Variants in CNGB3 observed in about 807,000 individuals in gnomAD.
CNGB3 encodes the protein cyclic nucleotide gated channel subunit beta 3.
Under a neutral mutation model 92.8 loss-of-function variants are expected in CNGB3, and 86 were observed. The observed-to-expected ratio is 0.93, with a 90% CI of 0.78 to 1.11. The LOEUF (loss-of-function observed/expected upper bound fraction) is 1.11, where lower values mean the gene tolerates loss of function less well. Among genes scored for constraint, CNGB3 ranks in the 50% least tolerant of loss-of-function variants. The pLI, the probability that CNGB3 is intolerant of heterozygous loss-of-function variation, is 0.00. For synonymous variants in CNGB3, 333 were observed against 332.7 expected (o/e 1.00, Z -0.01); for missense variants, 1,026 against 956.8 (o/e 1.07, Z -0.95).
intron 6 of CNGB3, chr8:86,658,737 T>C: frequency 2.1e-6 from 1 of 484,788 alleles, no homozygotes; most frequent in Admixed American, 2.8e-5. Context: ...GCTGGTGATC[T>C]CCATGTTCTC....
rs182472116 is a variant in CNGB3 at position 86,590,494 on chromosome 8, T to C, written c.1782-11242A>G. ...GGCTGGTACCAGTTCTTCCTTTCCATGTTTAGCGCTTCCTTCAGGAGCTCT... is the reference window on the plus strand; with the variant it reads ...GGCTGGTACCAGTTCTTCCTTTCCACGTTTAGCGCTTCCTTCAGGAGCTCT... On this transcript the variant is annotated intron_variant, in intron 15 of 17. Transcript: ENST00000320005. Among the ~76,000 whole-genome samples the C allele has an allele frequency of 2.2e-3, 335 of 152,274 alleles. 16 individuals are homozygous for C. In the East Asian group the frequency reaches 0.059, roughly 27 times the overall value.
chr8:86,726,118 A>C (rs901173032), intron 3 of CNGB3, among the ~76,000 whole-genome samples: 5 of 152,220 alleles, frequency 3.3e-5, no homozygotes, highest in Non-Finnish European at 5.9e-5. Context: ...ATAAAAGGAA[A>C]TAATAATTAA....
chr8:86,592,019 C>T (rs2131547450), intron 15 of CNGB3, among the ~76,000 whole-genome samples: 1 of 152,370 alleles, frequency 6.6e-6, no homozygotes, highest in African/African-American at 2.4e-5. Context: ...CCCTCTGAGC[C>T]AGGTGCAGGA....
chr8:86,675,406 C>T (rs1823947276), intron 3 of CNGB3, among the ~76,000 whole-genome samples: 1 of 151,776 alleles, frequency 6.6e-6, no homozygotes, highest in South Asian at 2.1e-4. Flanking sequence ...TAGGAGGAAA[C>T]TCATATTGGA....
At chr8:86,598,048 G>A (rs1822211672) in intron 15 of CNGB3, among the ~76,000 whole-genome samples, 1 of 152,116 alleles carries the variant, frequency 6.6e-6, no homozygotes, top group Non-Finnish European at 1.5e-5. Flanking sequence ...GGCGAGTCAG[G>A]TGCAACCTGA....
At chr8:86,699,001 A>G (rs76000869) in intron 3 of CNGB3, among the ~76,000 whole-genome samples, 1 of 152,162 alleles carries the variant, frequency 6.6e-6, no homozygotes, top group African/African-American at 2.4e-5. Context: ...ATTTGGGAGT[A>G]TATGGTATGT....
At chr8:86,631,439 C>T (rs923976970) in intron 11 of CNGB3, among the ~76,000 whole-genome samples, 3 of 152,136 alleles carry the variant, frequency 2.0e-5, no homozygotes, top group South Asian at 4.1e-4. Context: ...TTCTTCCATA[C>T]GACCCTATGA....
At chr8:86,671,154 G>T in intron 3 of CNGB3, 56 bp from the exon 4 acceptor site, 1 of 1,585,108 alleles carries the variant, frequency 6.3e-7, no homozygotes, top group Non-Finnish European at 8.6e-7. Flanking sequence ...TAGATATAAG[G>T]GAAAGATTAA....
At chr8:86,662,502 A>G (rs988347992) in intron 6 of CNGB3, among the ~76,000 whole-genome samples, 2 of 152,184 alleles carry the variant, frequency 1.3e-5, no homozygotes, top group Non-Finnish European at 2.9e-5. Flanking sequence ...TTGACAATCA[A>G]TTGTGTATTT....
At chr8:86,638,105 G>A (rs1299543450) in intron 10 of CNGB3, among the ~76,000 whole-genome samples, 1 of 152,010 alleles carries the variant, frequency 6.6e-6, no homozygotes, top group Non-Finnish European at 1.5e-5. Context: ...ACCACAGTTT[G>A]TTTATTTATT....
At chr8:86,692,618 C>G (rs1824342835) in intron 3 of CNGB3, among the ~76,000 whole-genome samples, 1 of 151,910 alleles carries the variant, frequency 6.6e-6, no homozygotes, top group Non-Finnish European at 1.5e-5. Context: ...TATGTGAGTC[C>G]TTTGTGTTAG....
chr8:86,582,746 A>G (rs1338281372), intron 15 of CNGB3, among the ~76,000 whole-genome samples: 1 of 152,194 alleles, frequency 6.6e-6, no homozygotes, highest in African/African-American at 2.4e-5. Context: ...CTTCAAAAGT[A>G]AAGAAGAAAC....
intron 3 of CNGB3, among the ~76,000 whole-genome samples, chr8:86,713,770 T>C (rs1036651454): frequency 3.9e-5 from 6 of 152,208 alleles, no homozygotes; most frequent in Non-Finnish European, 8.8e-5. Context: ...ACTTAAGAAA[T>C]TCTAAAATTA....
intron 3 of CNGB3, among the ~76,000 whole-genome samples, chr8:86,700,732 G>A (rs1045615253): frequency 1.3e-5 from 2 of 152,128 alleles, no homozygotes; most frequent in East Asian, 1.9e-4. Flanking sequence ...TCCATCTCCC[G>A]GGTTCAAGCA....
At chr8:86,732,699 G>C (rs1046578090) in intron 2 of CNGB3, among the ~76,000 whole-genome samples, 1 of 152,086 alleles carries the variant, frequency 6.6e-6, no homozygotes, top group African/African-American at 2.4e-5. Context: ...TCTCAAACTA[G>C]AAAGCATGTA....
chr8:86,598,445 A>C (rs1020668385), intron 15 of CNGB3, among the ~76,000 whole-genome samples: 4 of 152,186 alleles, frequency 2.6e-5, no homozygotes, highest in Non-Finnish European at 5.9e-5. Flanking sequence ...TCCCCAGTAA[A>C]ATTTTGAAAG....
At chr8:86,682,082 TA>T (rs1362211859) in intron 3 of CNGB3, among the ~76,000 whole-genome samples, 3 of 152,192 alleles carry the variant, frequency 2.0e-5, no homozygotes, top group African/African-American at 7.2e-5. Flanking sequence ...CAGAGCTCTG[TA>T]AAAGTTTTAT....
chr8:86,676,547 A>T (rs1398832015), intron 3 of CNGB3, among the ~76,000 whole-genome samples: 5 of 152,188 alleles, frequency 3.3e-5, no homozygotes, highest in East Asian at 1.9e-4. Flanking sequence ...AAGAATAATT[A>T]AAAAAGAAAG....
chr8:86,715,501 C>T (rs560099894), intron 3 of CNGB3, among the ~76,000 whole-genome samples: 2 of 152,140 alleles, frequency 1.3e-5, no homozygotes, highest in South Asian at 4.1e-4. Context: ...AGGGGGAAAT[C>T]ACCACATCAT....
Sources: allele counts gnomAD v4.1 joint callset (sites outside exome capture counted in the v4.1 genomes callset), GRCh38; gene constraint gnomAD v4.1.1; transcripts MANE v1.5; gene names NCBI Gene and HGNC (gene_info 2026-07-23, HGNC 2026-07-21).